The following SREK1IP1 variants were observed in gnomAD, a reference collection of about 807,000 sequenced individuals.
SREK1IP1 encodes the protein SREK1 interacting protein 1.
Under a neutral mutation model 22.8 loss-of-function variants are expected in SREK1IP1, and 12 were observed. The observed-to-expected ratio is 0.53, with a 90% confidence interval of 0.34 to 0.85. The LOEUF (loss-of-function observed/expected upper bound fraction) is 0.85, where lower values mean the gene tolerates loss of function less well. SREK1IP1 is among the 40% of genes least tolerant of loss of function. SREK1IP1 has a pLI of 0.02. For synonymous variants in SREK1IP1, 53 were observed against 52.7 expected, an observed-to-expected ratio of 1.01 and a Z score of -0.02; for missense variants, 147 against 171.8, an observed-to-expected ratio of 0.86 and a Z score of 0.81.
chr5:64,750,640 C>A (rs915419701), intron 2 of SREK1IP1, among the ~76,000 whole-genome samples: 1 of 152,130 alleles, frequency 6.6e-6, no homozygotes. Flanking sequence ...CACTCACTGT[C>A]CTGTCCTACT....
intron 2 of SREK1IP1, among the ~76,000 whole-genome samples, chr5:64,743,667 G>T (rs1742585876): frequency 6.6e-6 from 1 of 151,510 alleles, no homozygotes; most frequent in Non-Finnish European, 1.5e-5. Flanking sequence ...TTTTCTCTAG[G>T]GTAGATTTGT....
intron 1 of SREK1IP1, among the ~76,000 whole-genome samples, chr5:64,764,235 G>C (rs1742998506): frequency 6.6e-6 from 1 of 152,138 alleles, no homozygotes; most frequent in Admixed American, 6.5e-5. Context: ...CAGCCCATGG[G>C]AAGCGACACT....
intron 4 of SREK1IP1, among the ~76,000 whole-genome samples, chr5:64,727,030 A>C (rs1742279936): frequency 6.6e-6 from 1 of 152,182 alleles, no homozygotes; most frequent in South Asian, 2.1e-4. Context: ...GAAAACCCTG[A>C]GCTCTAAATT....
chr5:64,741,523 CTAAG>C (rs2112097370), intron 2 of SREK1IP1, among the ~76,000 whole-genome samples: 1 of 152,178 alleles, frequency 6.6e-6, no homozygotes, highest in South Asian at 2.1e-4. Context: ...TTTAACTAAA[CTAAG>C]TAAATAAAAA....
intron 1 of SREK1IP1, among the ~76,000 whole-genome samples, chr5:64,761,816 A>G (rs1742956182): frequency 6.6e-6 from 1 of 152,246 alleles, no homozygotes; most frequent in Non-Finnish European, 1.5e-5. Context: ...CTTCAAGCCA[A>G]ACATTTGTGA....
At chr5:64,758,112 G>A (rs1238922684) in intron 1 of SREK1IP1, among the ~76,000 whole-genome samples, 1 of 151,440 alleles carries the variant, frequency 6.6e-6, no homozygotes, top group Non-Finnish European at 1.5e-5. Context: ...TCCTGACCTC[G>A]TAATCCACCT....
In SREK1IP1 at chr5:64,721,719, T is replaced by C. The variant is rs1374369804; in HGVS notation, c.*2665A>G. ...TTGGTGAAAATGACATGCATTAGGT[T>C]GTAAGAATATGAACCAAATATCAAT... On this transcript the variant is annotated 3_prime_UTR_variant, in exon 5 of 5. Coordinates refer to ENST00000513458, the MANE Select transcript of SREK1IP1 (RefSeq NM_173829.4). 6.6e-6 allele frequency: 1 copy of C among 152,180 alleles called. No homozygotes were observed. The highest frequency in any genetic ancestry group is 6.5e-5 in the Admixed American group (1 of 15,280). 9.4% of individuals were successfully genotyped at this position (152,180 alleles called of 1,614,324 possible).
chr5:64,741,820 A>G (rs1580545632), intron 2 of SREK1IP1, among the ~76,000 whole-genome samples: 1 of 151,428 alleles, frequency 6.6e-6, no homozygotes, highest in East Asian at 1.9e-4. Context: ...AAAAGTAAAG[A>G]AAATAATATA....
intron 1 of SREK1IP1, among the ~76,000 whole-genome samples, chr5:64,759,229 C>T (rs1216777254): frequency 6.6e-6 from 1 of 152,288 alleles, no homozygotes; most frequent in South Asian, 2.1e-4. Context: ...GATATCTTTC[C>T]TTTTCTGCTT....
At chr5:64,747,639 A>T (rs1352108210) in intron 2 of SREK1IP1, among the ~76,000 whole-genome samples, 2 of 152,194 alleles carry the variant, frequency 1.3e-5, no homozygotes, top group African/African-American at 4.8e-5. Flanking sequence ...CCAGTTTGGC[A>T]GTTTTTCGGC....
intron 1 of SREK1IP1, among the ~76,000 whole-genome samples, chr5:64,758,957 G>C (rs1453529902): frequency 1.3e-5 from 2 of 152,214 alleles, no homozygotes; most frequent in Non-Finnish European, 2.9e-5. Context: ...TTTCGTGATT[G>C]TCTGGGCAAC....
chr5:64,731,701 T>A (rs1036515688), intron 3 of SREK1IP1, among the ~76,000 whole-genome samples: 1 of 151,978 alleles, frequency 6.6e-6, no homozygotes, highest in Non-Finnish European at 1.5e-5. Flanking sequence ...AAATGTGAGT[T>A]ATTAAAGACA....
At position 64,719,327 on chromosome 5, in the gene SREK1IP1, A is replaced by G. The variant is rs933185187; in HGVS notation, c.*5057T>C. 2.0e-5 allele frequency: 3 copies of G among 152,246 alleles called. No homozygotes were observed. Among genetic ancestry groups the G allele is most frequent in the Admixed American group, 6.5e-5 (1 of 15,288 alleles). The allele number at this position is 152,246 out of a possible 1,614,324, so 9.4% of individuals were successfully genotyped here. A position where few individuals can be genotyped will look rare whatever the true frequency, so the allele number is the denominator to read the frequency against. On this transcript the variant is annotated 3_prime_UTR_variant, in exon 5 of 5. Coordinates refer to ENST00000513458, the MANE Select transcript of SREK1IP1 (RefSeq NM_173829.4). Reference sequence around the variant, plus strand: ...TTCACATTCAAAAATACAATTTTGCAAAGGTTTAAATACTAAAATTGCTTA... The same window carrying G: ...TTCACATTCAAAAATACAATTTTGCGAAGGTTTAAATACTAAAATTGCTTA...
chr5:64,728,200 GA>G (rs754692740), intron 3 of SREK1IP1, 21 bp from the exon 4 acceptor site: 11 of 1,361,872 alleles, frequency 8.1e-6, no homozygotes, highest in East Asian at 2.9e-5. Flanking sequence ...GAGGTGAGAA[GA>G]AAAAAATCTG....
intron 2 of SREK1IP1, among the ~76,000 whole-genome samples, chr5:64,749,059 CATA>C (rs58434271): frequency 0.21 from 27,729 of 131,218 alleles, 2,801 homozygotes; most frequent in Middle Eastern, 0.35. Context: ...AGCTATGCCA[CATA>C]ATAATAATAA....
rs752220529 is a variant in SREK1IP1, at chr5:64,741,039, GA to G, written c.205+17del. On this transcript the variant is annotated intron_variant, in intron 3 of 4. Coordinates refer to ENST00000513458, the MANE Select transcript of SREK1IP1 (RefSeq NM_173829.4). The stretch of plus-strand genomic sequence containing the variant: ...CATTTACAAACATTTCTAAAGAATG[GA>G]AAAAAATATTGCTTACTTTTTTCCT... 1.5e-5 allele frequency: 24 copies of G among 1,602,684 alleles called. No individual in the cohort carries two copies. Among genetic ancestry groups the G allele is most frequent in the African/African-American group, 2.7e-5 (2 of 74,468 alleles).
In SREK1IP1 at chr5:64,722,997, T is replaced by A. The variant is rs1742199032; in HGVS notation, c.*1387A>T. The A allele has an allele frequency of 6.6e-6, 1 of 152,204 alleles. No homozygotes were observed. 9.4% of individuals were successfully genotyped at this position (152,204 alleles called of 1,614,324 possible). ...CAGCCGTATCTATAGGTTATCAATT[T>A]GAAAATTTCTAAGCGCACCATAGTG... On this transcript the variant is annotated 3_prime_UTR_variant, in exon 5 of 5. Coordinates refer to ENST00000513458, the MANE Select transcript of SREK1IP1 (RefSeq NM_173829.4).
chr5:64,737,870 A>C (rs961407536), intron 3 of SREK1IP1, among the ~76,000 whole-genome samples: 1 of 152,218 alleles, frequency 6.6e-6, no homozygotes, highest in Non-Finnish European at 1.5e-5. Context: ...ATGTATCAGG[A>C]GTGAATCATG....
Position 64,722,363 on chromosome 5 carries a change from CAAGT to C in SREK1IP1, c.*2017_*2020del, listed in dbSNP as rs1459033914. The C allele has an allele frequency of 6.6e-6, 1 of 152,150 alleles. No homozygotes were observed. The highest frequency in any genetic ancestry group is 1.5e-5 in the Non-Finnish European group (1 of 68,018). The allele number at this position is 152,150 out of a possible 1,614,324, so 9.4% of individuals were successfully genotyped here. On this transcript the variant is annotated 3_prime_UTR_variant, in exon 5 of 5. Coordinates refer to ENST00000513458, the MANE Select transcript of SREK1IP1 (RefSeq NM_173829.4). The stretch of plus-strand genomic sequence containing the variant: ...CTACAATTAACAGTAATAAAACTTA[CAAGT>C]AATTAACTATTTCACTACAATTACT...
Sources: allele counts gnomAD v4.1 joint callset (sites outside exome capture counted in the v4.1 genomes callset), GRCh38; gene constraint gnomAD v4.1.1; transcripts MANE v1.5; gene names NCBI Gene and HGNC (gene_info 2026-07-23, HGNC 2026-07-21).